Variants in WIPF1 observed in about 807,000 individuals in gnomAD.
WIPF1 encodes WAS/WASL interacting protein family member 1.
Under a neutral mutation model 35.4 loss-of-function variants are expected in WIPF1, and 13 were observed. That is an observed-to-expected ratio of 0.37 (90% confidence interval 0.24 to 0.58). The LOEUF is 0.58. Among genes scored for constraint, WIPF1 ranks in the 20% least tolerant of loss-of-function variants. The probability of loss-of-function intolerance (pLI) is 0.74; values close to 1 mark genes in which losing one functional copy is unlikely to be tolerated. For synonymous variants in WIPF1, 267 were observed against 266.3 expected, an observed-to-expected ratio of 1.00 and a Z score of -0.02; for missense variants, 591 against 667.0, an observed-to-expected ratio of 0.89 and a Z score of 1.25.
intron 1 of WIPF1, among the ~76,000 whole-genome samples, chr2:174,606,203 C>T (rs1390306630): frequency 1.3e-5 from 2 of 152,080 alleles, no homozygotes; most frequent in Admixed American, 6.5e-5. Flanking sequence ...ATTTGAGTTA[C>T]GTGTGCAATT....
chr2:174,674,639 T>C (rs1172546753), intron 1 of WIPF1, among the ~76,000 whole-genome samples: 1 of 152,066 alleles, frequency 6.6e-6, no homozygotes. Flanking sequence ...AAAAGACAGG[T>C]AAGAATAAAT....
intron 1 of WIPF1, among the ~76,000 whole-genome samples, chr2:174,632,276 A>G (rs1225913049): frequency 6.6e-6 from 1 of 152,188 alleles, no homozygotes; most frequent in Non-Finnish European, 1.5e-5. Flanking sequence ...ATGACACTTT[A>G]TAAGCCATTT....
intron 1 of WIPF1, among the ~76,000 whole-genome samples, chr2:174,635,654 AATAT>A: frequency 6.6e-6 from 1 of 150,924 alleles, no homozygotes; most frequent in East Asian, 2.0e-4. Flanking sequence ...GACCAAGGGG[AATAT>A]TCCACAATTT....
chr2:174,647,392 G>T (rs1031080801), intron 1 of WIPF1, among the ~76,000 whole-genome samples: 3 of 150,036 alleles, frequency 2.0e-5, no homozygotes, highest in African/African-American at 2.5e-5. Context: ...TTTTCTTTCC[G>T]AGACTGAGTC....
intron 1 of WIPF1, among the ~76,000 whole-genome samples, chr2:174,639,293 T>C (rs893334443): frequency 5.3e-5 from 8 of 152,214 alleles, no homozygotes; most frequent in African/African-American, 1.9e-4. Flanking sequence ...TCTTGCTCTG[T>C]CACCCAGGAT....
rs199858165 is a variant in WIPF1 at position 174,671,515 on chromosome 2, T to C, written c.-39+11259A>G. On this transcript the variant is annotated intron_variant, in intron 1 of 8. Transcript: ENST00000272746. ...TTCAGGGAACAAGGGAGATAACCATTAGGTCTGGCTGCCTGGGAGTGGGGC... is the reference window on the plus strand; with the variant it reads ...TTCAGGGAACAAGGGAGATAACCATCAGGTCTGGCTGCCTGGGAGTGGGGC... 9.2e-5 allele frequency among the ~76,000 whole-genome samples: 14 copies of C among 152,318 alleles called. No homozygotes were observed. In the East Asian group the frequency reaches 2.7e-3, roughly 29 times the overall value.
chr2:174,578,458 A>C (rs1685133582), intron 3 of WIPF1, among the ~76,000 whole-genome samples: 1 of 152,210 alleles, frequency 6.6e-6, no homozygotes, highest in South Asian at 2.1e-4. Context: ...TTTGGAGAGA[A>C]AGTAATTTAA....
chr2:174,644,158 C>T (rs1308123296), intron 1 of WIPF1, among the ~76,000 whole-genome samples: 1 of 151,884 alleles, frequency 6.6e-6, no homozygotes, highest in Non-Finnish European at 1.5e-5. Context: ...AGTATAGTAC[C>T]CTCCACCCCA....
intron 1 of WIPF1, among the ~76,000 whole-genome samples, chr2:174,615,751 A>G (rs760865930): frequency 8.5e-5 from 13 of 152,218 alleles, no homozygotes; most frequent in Non-Finnish European, 1.5e-4. Context: ...AGTTCTGTGG[A>G]ATTCTTATAA....
In WIPF1 at chr2:174,648,202, C is replaced by T. The variant is rs370251851; in HGVS notation, c.-39+34572G>A. ...GTCATAATGAATGGGGAACATTGTA[C>T]GTTGTATAGTGACATCTATTATTTT... is the stretch of plus-strand genomic sequence containing the variant. On this transcript the variant is annotated intron_variant, in intron 1 of 8. Coordinates refer to the WIPF1 transcript ENST00000272746. Among the ~76,000 whole-genome samples the T allele has an allele frequency of 4.6e-5, 7 of 152,214 alleles. No individual in the cohort carries two copies. In the South Asian group the frequency reaches 6.2e-4, roughly 14 times the overall value.
intron 1 of WIPF1, among the ~76,000 whole-genome samples, chr2:174,640,317 G>A (rs1446591917): frequency 1.5e-5 from 2 of 131,180 alleles, no homozygotes; most frequent in East Asian, 5.0e-4. Flanking sequence ...CATGGACACA[G>A]GAAGGGGAAC....
chr2:174,575,277 G>A lies in WIPF1; in HGVS notation c.285C>T (p.Gly95=), dbSNP rs767266383. The A allele has an allele frequency of 3.4e-5, 55 of 1,613,524 alleles. No homozygotes were observed. The South Asian group carries it at 3.5e-4, about 10-fold the overall frequency. The change falls in exon 4 of 8, where the codon GGC becomes GGT. Residue 95 remains glycine (G), a synonymous_variant. Transcript: ENST00000679041. ...GGGGGGSFGG[G]GPPGLGGLFQ... ...ACAATCCTCCCAGACCTGGAGGTCC[G>A]CCCCCTCCAAAACTTCCACCGCCTC...
intron 1 of WIPF1, among the ~76,000 whole-genome samples, chr2:174,617,074 C>T (rs558768788): frequency 5.3e-5 from 8 of 152,074 alleles, no homozygotes; most frequent in Non-Finnish European, 1.0e-4. Flanking sequence ...GTTTTCAGTT[C>T]AGAACATTTA....
At chr2:174,603,062 T>C (rs1686055890) in intron 1 of WIPF1, among the ~76,000 whole-genome samples, 2 of 152,206 alleles carry the variant, frequency 1.3e-5, no homozygotes, top group Non-Finnish European at 2.9e-5. Flanking sequence ...AGGCGAGCTC[T>C]ATCCCTGAGG....
chr2:174,573,697 C>G (rs867288806), intron 4 of WIPF1, among the ~76,000 whole-genome samples: 1 of 152,074 alleles, frequency 6.6e-6, no homozygotes, highest in Non-Finnish European at 1.5e-5. Context: ...AGTTCAAAAA[C>G]GGGCCCATGT....
At chr2:174,608,195 G>A (rs1041272215) in intron 1 of WIPF1, among the ~76,000 whole-genome samples, 1 of 152,156 alleles carries the variant, frequency 6.6e-6, no homozygotes, top group African/African-American at 2.4e-5. Flanking sequence ...AAAAGAGGCA[G>A]GGGAACCAAA....
upstream of WIPF1, among the ~76,000 whole-genome samples, chr2:174,600,310 G>A (rs917444117): frequency 6.6e-6 from 1 of 152,092 alleles, no homozygotes; most frequent in Admixed American, 6.5e-5. Flanking sequence ...CATTTATCAG[G>A]TGTCTACTAT....
chr2:174,562,649 G>A (rs1361907351), intron 7 of WIPF1, 47 bp from the exon 8 acceptor site: 4 of 1,607,354 alleles, frequency 2.5e-6, no homozygotes, highest in Non-Finnish European at 2.5e-6. Flanking sequence ...GAAAGCTGAT[G>A]TTCTCATCGT....
intron 3 of WIPF1, 57 bp from the exon 4 acceptor site, chr2:174,575,437 A>G: frequency 6.6e-7 from 1 of 1,526,590 alleles, no homozygotes; most frequent in Admixed American, 2.0e-5. Context: ...CAGGTAAACC[A>G]TAAAACAACA....
Sources: allele counts gnomAD v4.1 joint callset (sites outside exome capture counted in the v4.1 genomes callset), GRCh38; gene constraint gnomAD v4.1.1; transcripts MANE v1.5; gene names NCBI Gene and HGNC (gene_info 2026-07-23, HGNC 2026-07-21).